Variants in UFD1 observed in about 807,000 individuals in gnomAD.
UFD1 encodes ubiquitin recognition factor in ER associated degradation 1.
A neutral mutation model predicts 45.9 loss-of-function variants in UFD1; 13 were observed. The observed-to-expected ratio is 0.28, with a 90% confidence interval of 0.18 to 0.45. The LOEUF (loss-of-function observed/expected upper bound fraction) is 0.45, where lower values mean the gene tolerates loss of function less well. Among genes scored for constraint, UFD1 ranks in the 20% least tolerant of loss-of-function variants. The pLI is 1.00. For missense variants in UFD1, 218 were observed against 389.2 expected, an observed-to-expected ratio of 0.56 and a Z score of 3.70; for synonymous variants, 128 against 139.2, an observed-to-expected ratio of 0.92 and a Z score of 0.56.
chr22:19,454,131 A>G (rs2089703936), intron 11 of UFD1: 1 of 985,846 alleles, frequency 1.0e-6, no homozygotes, highest in Non-Finnish European at 1.2e-6. Flanking sequence ...CAGGGCACAC[A>G]GTTCTGTGAT....
At chr22:19,466,170 C>G (rs1228600343) in intron 5 of UFD1, 2 of 152,226 alleles carry the variant, frequency 1.3e-5, no homozygotes. Flanking sequence ...GTGGTGGATG[C>G]TTTCTTTGCT....
chr22:19,476,666 T>A (rs1439978264), intron 1 of UFD1, among the ~76,000 whole-genome samples: 1 of 148,602 alleles, frequency 6.7e-6, no homozygotes, highest in Non-Finnish European at 1.5e-5. Flanking sequence ...CATACTATGT[T>A]TTTTCTTATA....
intron 10 of UFD1, among the ~76,000 whole-genome samples, chr22:19,455,087 CTCACTG>C (rs2089712813): frequency 6.6e-6 from 1 of 152,036 alleles, no homozygotes; most frequent in Non-Finnish European, 1.5e-5. Flanking sequence ...TTGGGAAGCC[CTCACTG>C]TCACTGTCCT....
At chr22:19,475,377 G>C (rs1276640314) in intron 2 of UFD1, 93 bp downstream of exon 2, 3 of 1,540,176 alleles carry the variant, frequency 1.9e-6, no homozygotes, top group Non-Finnish European at 2.6e-6. Flanking sequence ...ACTAGCTTCT[G>C]ACTCCCACAT....
At chr22:19,456,673 G>A in intron 8 of UFD1, 39 bp from the exon 9 acceptor site, 1 of 1,614,124 alleles carries the variant, frequency 6.2e-7, no homozygotes, top group Middle Eastern at 1.6e-4. Context: ...CTCCTCAGCG[G>A]GGACACCCAG....
intron 5 of UFD1, chr22:19,465,530 C>T: frequency 4.4e-6 from 2 of 451,832 alleles, no homozygotes; most frequent in Non-Finnish European, 8.1e-6. Flanking sequence ...CACAAAAGGG[C>T]AGTGAGATTC....
At chr22:19,462,963 C>A (rs556087909) in intron 6 of UFD1, among the ~76,000 whole-genome samples, 28 of 152,320 alleles carry the variant, frequency 1.8e-4, no homozygotes, top group Middle Eastern at 6.8e-3. Context: ...ATGATAGTTA[C>A]TTGATACTGG....
At chr22:19,457,914 TCA>T (rs1346837039) in intron 7 of UFD1, among the ~76,000 whole-genome samples, 155 bp downstream of exon 7, 1 of 152,096 alleles carries the variant, frequency 6.6e-6, no homozygotes, top group Non-Finnish European at 1.5e-5. Context: ...GATCACAAGG[TCA>T]CAGTCTCCTC....
chr22:19,468,132 A>C, intron 4 of UFD1, 129 bp from the exon 5 acceptor site: 1 of 1,269,054 alleles, frequency 7.9e-7, no homozygotes. Context: ...AAGATAAGTA[A>C]TTCGTGATAC....
chr22:19,454,764 G>T lies in UFD1; in HGVS notation c.834C>A (p.Val278=). 1 of 1,614,052 alleles carries T rather than the reference G, an allele frequency of 6.2e-7. No individual in the cohort carries two copies. The highest frequency in any genetic ancestry group is 1.1e-5 in the South Asian group (1 of 91,040). Residue 278 remains valine (V), a synonymous_variant, in exon 11 of 12, where the codon GTC becomes GTA. Coordinates refer to ENST00000263202, the MANE Select transcript of UFD1 (RefSeq NM_005659.7). ...ITFIRNSRPL[V]KKVEEDEAGG... is the part of the protein sequence containing the mutation. ...ATACACTCACCTCTTCAACCTTTTT[G>T]ACAAGGGGACGTGAATTTCTGATGA...
At chr22:19,450,884 C>T in intron 11 of UFD1, 140 bp from the exon 12 acceptor site, 2 of 1,507,148 alleles carry the variant, frequency 1.3e-6, no homozygotes, top group Non-Finnish European at 1.8e-6. Context: ...ACCTGTAATC[C>T]CAGCACTTTA....
intron 6 of UFD1, among the ~76,000 whole-genome samples, chr22:19,460,755 CTTTT>C (rs544754175): frequency 1.5e-5 from 2 of 133,644 alleles, no homozygotes; most frequent in African/African-American, 5.5e-5. Flanking sequence ...AACCACCATT[CTTTT>C]TTTTTTTTTT....
intron 10 of UFD1, 145 bp from the exon 11 acceptor site, chr22:19,454,975 G>T: frequency 1.1e-6 from 1 of 915,400 alleles, no homozygotes; most frequent in Non-Finnish European, 1.6e-6. Context: ...TCCCAGGAGG[G>T]AAGCAGAAAG....
intron 11 of UFD1, chr22:19,454,251 AGGGAGCAGAG>A: frequency 1.0e-6 from 1 of 996,210 alleles, no homozygotes; most frequent in South Asian, 4.5e-5. Flanking sequence ...ACAGGACACC[AGGGAGCAGAG>A]GGACCCTAGG....
intron 11 of UFD1, chr22:19,454,339 TACC>T (rs1034354890): frequency 1.2e-5 from 12 of 1,010,216 alleles, no homozygotes; most frequent in African/African-American, 8.8e-5. Context: ...CATCTTGAAT[TACC>T]ACGTGTTGTG....
intron 6 of UFD1, among the ~76,000 whole-genome samples, chr22:19,461,704 G>C (rs2089767848): frequency 6.6e-6 from 1 of 152,026 alleles, no homozygotes; most frequent in Non-Finnish European, 1.5e-5. Flanking sequence ...GCAATTTATT[G>C]CTTGAGTGTG....
chr22:19,462,695 A>G (rs1263218420), intron 6 of UFD1, among the ~76,000 whole-genome samples: 10 of 152,066 alleles, frequency 6.6e-5, no homozygotes, highest in Non-Finnish European at 1.5e-4. Context: ...AAGTCTAAAG[A>G]CTTACTCTTT....
At chr22:19,474,614 T>C (rs1214361560) in intron 3 of UFD1, among the ~76,000 whole-genome samples, 1 of 152,032 alleles carries the variant, frequency 6.6e-6, no homozygotes, top group African/African-American at 2.4e-5. Context: ...AGATGTTTGG[T>C]GAGGGGATGA....
chr22:19,454,870 G>A, intron 10 of UFD1, 40 bp from the exon 11 acceptor site: 1 of 1,588,298 alleles, frequency 6.3e-7, no homozygotes, highest in East Asian at 2.2e-5. Context: ...TTATTTCCAG[G>A]AAAAAAGGAC....
Sources: allele counts gnomAD v4.1 joint callset (sites outside exome capture counted in the v4.1 genomes callset), GRCh38; gene constraint gnomAD v4.1.1; transcripts MANE v1.5; gene names NCBI Gene and HGNC (gene_info 2026-07-23, HGNC 2026-07-21).